The following NCOA1 variants were observed in gnomAD, a reference collection of about 807,000 sequenced individuals.
NCOA1 encodes Hin-2 protein.
Under a neutral mutation model 150.9 loss-of-function variants are expected in NCOA1, and 35 were observed. That is an observed-to-expected ratio of 0.23 (90% CI 0.18 to 0.31). The LOEUF is 0.31. Ranked by LOEUF, NCOA1 falls within the 10% of genes least tolerant of loss-of-function variation. The pLI is 1.00. For synonymous variants in NCOA1, 590 were observed against 630.0 expected (o/e 0.94, Z 0.95); for missense variants, 1,491 against 1,749.3 (o/e 0.85, Z 2.63).
At chr2:24,529,521 G>A (rs1024254975) in intron 1 of NCOA1, among the ~76,000 whole-genome samples, 1 of 152,254 alleles carries the variant, frequency 6.6e-6, no homozygotes, top group East Asian at 1.9e-4. Context: ...TGATTTTGTT[G>A]ATATAAGGTA....
chr2:24,529,301 C>T (rs747106940), intron 1 of NCOA1, among the ~76,000 whole-genome samples: 11 of 152,188 alleles, frequency 7.2e-5, no homozygotes, highest in African/African-American at 1.4e-4. Context: ...GTTGATACTG[C>T]GTCATTAATC....
chr2:24,723,945 A>G (rs1674481173), intron 14 of NCOA1, among the ~76,000 whole-genome samples: 1 of 152,218 alleles, frequency 6.6e-6, no homozygotes, highest in Non-Finnish European at 1.5e-5. Context: ...GAAGAGTAGA[A>G]TGTGCAAAAG....
intron 1 of NCOA1, among the ~76,000 whole-genome samples, chr2:24,534,713 A>G (rs551397442): frequency 1.1e-3 from 163 of 152,324 alleles, no homozygotes; most frequent in Non-Finnish European, 2.0e-3. Context: ...TTTACCCAGT[A>G]GTCATTCAGG....
chr2:24,571,066 G>T (rs931292348), intron 2 of NCOA1, among the ~76,000 whole-genome samples: 22 of 152,140 alleles, frequency 1.4e-4, no homozygotes, highest in Non-Finnish European at 3.1e-4. Flanking sequence ...TTACCTTTTA[G>T]CGATACATAA....
chr2:24,604,707 A>G (rs184464492), intron 3 of NCOA1, among the ~76,000 whole-genome samples: 2 of 152,266 alleles, frequency 1.3e-5, no homozygotes, highest in Non-Finnish European at 2.9e-5. Context: ...TATCCAGACC[A>G]CTCAAACTTT....
intron 4 of NCOA1, among the ~76,000 whole-genome samples, chr2:24,649,960 C>T (rs921633182): frequency 2.6e-5 from 4 of 151,988 alleles, no homozygotes; most frequent in African/African-American, 9.7e-5. Flanking sequence ...AAAGACTGCA[C>T]AGGATTCTCT....
At chr2:24,722,135 C>T (rs1275604074) in intron 14 of NCOA1, among the ~76,000 whole-genome samples, 1 of 152,128 alleles carries the variant, frequency 6.6e-6, no homozygotes, top group East Asian at 1.9e-4. Context: ...ACAAAAACTT[C>T]CCCAAAGTAG....
At chr2:24,560,797 A>G (rs1666265196) in intron 1 of NCOA1, among the ~76,000 whole-genome samples, 1 of 152,194 alleles carries the variant, frequency 6.6e-6, no homozygotes, top group African/African-American at 2.4e-5. Context: ...AGATAGGATC[A>G]TAGAGTAAAC....
Position 24,729,705 on chromosome 2 carries a change from G to T in NCOA1, c.3091G>T (p.Ala1031Ser). Reference protein sequence around the residue: ...MPVQVTPPRGAFSPGMGMQPR... With the variant: ...MPVQVTPPRGSFSPGMGMQPR... Reference sequence around the variant, plus strand: ...TGTTCAAGTAACACCTCCCCGAGGTGCTTTTTCACCTGGCATGGGCATGCA... The same window carrying T: ...TGTTCAAGTAACACCTCCCCGAGGTTCTTTTTCACCTGGCATGGGCATGCA... The change falls in exon 17 of 23, where the codon GCT becomes TCT. Residue 1031 changes from alanine to serine, a missense_variant. By Grantham distance (99) the Ala-to-Ser change is moderately conservative. Coordinates refer to ENST00000348332, the MANE Select transcript of NCOA1 (RefSeq NM_003743.5). The T allele has an allele frequency of 5.6e-6, 9 of 1,614,200 alleles. No homozygotes were observed. The highest frequency in any genetic ancestry group is 7.6e-6 in the Non-Finnish European group (9 of 1,180,038).
At chr2:24,532,570 G>T (rs1266994896) in intron 1 of NCOA1, among the ~76,000 whole-genome samples, 2 of 152,112 alleles carry the variant, frequency 1.3e-5, no homozygotes, top group Non-Finnish European at 2.9e-5. Context: ...TTCTTCTAGG[G>T]TTTTTATGGT....
chr2:24,729,841 T>C, intron 17 of NCOA1, 26 bp downstream of exon 17: 2 of 1,569,184 alleles, frequency 1.3e-6, no homozygotes, highest in East Asian at 2.3e-5. Flanking sequence ...TAGCAGTTGA[T>C]ACTTTTTTTT....
At chr2:24,639,036 G>A (rs1670063467) in intron 3 of NCOA1, among the ~76,000 whole-genome samples, 1 of 151,986 alleles carries the variant, frequency 6.6e-6, no homozygotes, top group Non-Finnish European at 1.5e-5. Flanking sequence ...TACTCATGAG[G>A]CTGATTTTCT....
At chr2:24,552,324 TATA>T (rs1572410358) in intron 1 of NCOA1, among the ~76,000 whole-genome samples, 513 of 11,910 alleles carry the variant, frequency 0.043, 6 homozygotes, top group East Asian at 0.082. Context: ...ATATATATTA[TATA>T]TATATATATA....
chr2:24,570,011 C>G (rs903926989), intron 2 of NCOA1, among the ~76,000 whole-genome samples: 2 of 149,072 alleles, frequency 1.3e-5, no homozygotes, highest in Non-Finnish European at 3.0e-5. Context: ...TTCAATTTCT[C>G]AAGTTGAAGC....
At chr2:24,542,394 A>G (rs1180050406) in intron 1 of NCOA1, among the ~76,000 whole-genome samples, 3 of 152,234 alleles carry the variant, frequency 2.0e-5, no homozygotes, top group African/African-American at 7.2e-5. Context: ...CCAGTCTTCT[A>G]TTTAATGAAA....
intron 22 of NCOA1, chr2:24,767,866 C>A (rs13389944): frequency 2.0e-6 from 1 of 495,446 alleles, no homozygotes; most frequent in Non-Finnish European, 3.6e-6. Context: ...AACCAGTTTT[C>A]TAAATATCAT....
At chr2:24,727,789 G>C (rs558182309) in intron 15 of NCOA1, among the ~76,000 whole-genome samples, 1 of 152,232 alleles carries the variant, frequency 6.6e-6, no homozygotes, top group East Asian at 1.9e-4. Flanking sequence ...CATTTTTCCA[G>C]TTTGATTTCT....
At chr2:24,688,695 A>G (rs184322674) in intron 8 of NCOA1, among the ~76,000 whole-genome samples, 1 of 152,272 alleles carries the variant, frequency 6.6e-6, no homozygotes, top group East Asian at 1.9e-4. Context: ...CCGATTCTGT[A>G]GGTTGCCTGT....
At chr2:24,595,294 C>T (rs946627385) in intron 3 of NCOA1, among the ~76,000 whole-genome samples, 1 of 151,982 alleles carries the variant, frequency 6.6e-6, no homozygotes, top group African/African-American at 2.4e-5. Flanking sequence ...TACTAGCACA[C>T]CTCCAATGTA....
Sources: gnomAD v4.1 joint callset for allele counts (sites outside exome capture counted in the v4.1 genomes callset) on GRCh38, gnomAD v4.1.1 for gene constraint, MANE v1.5 for transcripts, NCBI Gene and HGNC (gene_info 2026-07-23, HGNC 2026-07-21) for gene names.